Variants in RHBDD3 observed in about 807,000 individuals in gnomAD.
The protein encoded by RHBDD3 is rhomboid domain-containing protein 3.
A neutral mutation model predicts 32.3 loss-of-function variants in RHBDD3; 34 were observed. That is an observed-to-expected ratio of 1.05 (90% CI 0.80 to 1.40). The LOEUF is 1.40. Ranked by LOEUF, RHBDD3 falls within the 40% of genes most tolerant of loss-of-function variation. The probability of loss-of-function intolerance (pLI) is 0.00; values close to 1 mark genes in which losing one functional copy is unlikely to be tolerated. For synonymous variants in RHBDD3, 249 were observed against 239.1 expected, an observed-to-expected ratio of 1.04 and a Z score of -0.38; for missense variants, 482 against 492.6, an observed-to-expected ratio of 0.98 and a Z score of 0.20.
intron 2 of RHBDD3, among the ~76,000 whole-genome samples, chr22:29,266,753 A>G (rs1310438741): frequency 6.6e-6 from 1 of 152,246 alleles, no homozygotes; most frequent in Non-Finnish European, 1.5e-5. Context: ...GGCAGGAAGC[A>G]GGATCCCAGA....
Position 29,260,628 on chromosome 22 carries a change from A to G in RHBDD3, c.696-15T>C. The G allele has an allele frequency of 1.9e-6, 3 of 1,576,534 alleles. No individual in the cohort carries two copies. The highest frequency in any genetic ancestry group is 1.7e-6 in the Non-Finnish European group (2 of 1,160,160). On this transcript the variant is annotated splice_polypyrimidine_tract_variant and intron_variant, in intron 5 of 6. Transcript: ENST00000216085. ...GGATGGGAGGCCTGGAGGAGTGGGA[A>G]GAGAAGAGGGCCTGACTGGCAGCCC...
At chr22:29,263,582 C>T (rs942192332) in intron 4 of RHBDD3, among the ~76,000 whole-genome samples, 11 of 152,278 alleles carry the variant, frequency 7.2e-5, no homozygotes, top group East Asian at 3.9e-4. Context: ...TCTATTTCTG[C>T]GAAGAATGGC....
intron 1 of RHBDD3, 39 bp downstream of exon 1, chr22:29,267,709 C>T (rs908487548): frequency 1.2e-5 from 2 of 163,982 alleles, no homozygotes; most frequent in African/African-American, 4.8e-5. Context: ...CTTGGGGACC[C>T]TTCCCCGCTG....
At chr22:29,265,944 C>G (rs2058171516) in intron 2 of RHBDD3, among the ~76,000 whole-genome samples, 1 of 152,120 alleles carries the variant, frequency 6.6e-6, no homozygotes, top group Non-Finnish European at 1.5e-5. Flanking sequence ...GGGGTTCAGG[C>G]CCTCACCCCC....
chr22:29,264,877 GCGCCATTCT>G (rs1371456703), intron 3 of RHBDD3, among the ~76,000 whole-genome samples: 1 of 151,880 alleles, frequency 6.6e-6, no homozygotes, highest in Admixed American at 6.6e-5. Context: ...TCCCAGGTTC[GCGCCATTCT>G]CCTGCCTCAG....
intron 4 of RHBDD3, chr22:29,261,553 C>T (rs945069582): frequency 2.8e-5 from 9 of 321,090 alleles, no homozygotes; most frequent in African/African-American, 1.3e-4. Context: ...ATGATGGCGT[C>T]GCCACACTCC....
At position 29,260,730 on chromosome 22, in the gene RHBDD3, G is replaced by C; in HGVS notation, c.667C>G (p.Leu223Val). 1 of 1,591,638 alleles carries C rather than the reference G, an allele frequency of 6.3e-7. No individual in the cohort carries two copies. Among genetic ancestry groups the C allele is most frequent in the Non-Finnish European group, 8.5e-7 (1 of 1,169,778 alleles). The change falls in exon 5 of 7, where the codon CTG becomes GTG. Residue 223 changes from leucine (L) to valine (V), a missense_variant. Coordinates refer to ENST00000216085, the MANE Select transcript of RHBDD3 (RefSeq NM_012265.3). ...ACTCCGGCAGGATGGGTGACAGGCA[G>C]CTCCGCCAGGCTACCCGGGGTGGCA... ...LLATPGSLAE[L>V]PVTHPAGVRP...
upstream of RHBDD3, chr22:29,268,019 G>T: frequency 2.1e-6 from 1 of 474,932 alleles, no homozygotes; most frequent in South Asian, 2.6e-5. Flanking sequence ...AGAGCCAGCG[G>T]ACGGAACCAT....
In RHBDD3 at chr22:29,263,845, G is replaced by A. The variant is rs369106078; in HGVS notation, c.522C>T (p.Ala174=). The change falls in exon 4 of 7, where the codon GCC becomes GCT. Residue 174 remains alanine (A), a synonymous_variant. Coordinates refer to ENST00000216085, the MANE Select transcript of RHBDD3 (RefSeq NM_012265.3). ...PFLQLLCGLL[A]GLAYAAGAFR... is the part of the protein sequence containing the mutation. ...TCAGGCAAAGGATACAGGCCAGGCC[G>A]GCAAGGAGGCCGCAAAGGAGCTGCA... 1,820 of 1,534,334 alleles carry A rather than the reference G, an allele frequency of 1.2e-3. 6 individuals are homozygous for A. The highest frequency in any genetic ancestry group is 1.2e-3 in the Non-Finnish European group (1,351 of 1,135,634).
rs1476285933 is a variant in RHBDD3, at chr22:29,259,921, T to TG, written c.*138dup. 2.4e-5 allele frequency: 19 copies of TG among 802,760 alleles called. No individual in the cohort carries two copies. Among genetic ancestry groups the TG allele is most frequent in the Non-Finnish European group, 3.6e-5 (19 of 520,964 alleles). The allele number at this position is 802,760 out of a possible 1,614,324, so 49.7% of individuals were successfully genotyped here. Reference sequence around the variant, plus strand: ...CTAAACACGTACTAGGGCAGCATGCTGGGGGGCCTCTCCTGCCTCCAGAGG... The same window carrying TG: ...CTAAACACGTACTAGGGCAGCATGCTGGGGGGGCCTCTCCTGCCTCCAGAGG... On this transcript the variant is annotated 3_prime_UTR_variant, in exon 7 of 7. Transcript: ENST00000216085.
At chr22:29,263,077 C>A (rs1365157764) in intron 4 of RHBDD3, among the ~76,000 whole-genome samples, 1 of 151,972 alleles carries the variant, frequency 6.6e-6, no homozygotes, top group African/African-American at 2.4e-5. Flanking sequence ...CGGGGTCTTG[C>A]CCTGTCGCCC....
At chr22:29,261,278 G>A (rs1254790825) in intron 4 of RHBDD3, 5 of 483,014 alleles carry the variant, frequency 1.0e-5, no homozygotes, top group Admixed American at 2.3e-5. Context: ...CTCTCCAGTG[G>A]CACTGTTTTC....
intron 2 of RHBDD3, 78 bp from the exon 3 acceptor site, chr22:29,265,746 C>T: frequency 2.2e-6 from 3 of 1,358,960 alleles, no homozygotes; most frequent in Non-Finnish European, 1.9e-6. Flanking sequence ...ACCTTATCAA[C>T]AGCCCTATTT....
upstream of RHBDD3, chr22:29,268,061 C>G (rs983546170): frequency 1.7e-6 from 1 of 575,010 alleles, no homozygotes. Context: ...CTGAGAGCCT[C>G]TCCGGTTTCA....
chr22:29,265,360 G>A lies in RHBDD3; in HGVS notation c.148+119C>T, dbSNP rs576346858. The A allele has an allele frequency of 5.2e-4, 412 of 784,764 alleles. 7 individuals are homozygous for A. The South Asian group carries it at 9.2e-3, about 18-fold the overall frequency. The allele number at this position is 784,764 out of a possible 1,614,324, so 48.6% of individuals were successfully genotyped here. A position where few individuals can be genotyped will look rare whatever the true frequency, so the allele number is the denominator to read the frequency against. On this transcript the variant is annotated intron_variant, in intron 3 of 6. Transcript: ENST00000216085. ...CTCCTGTCTAAGGCCATGCTTTCCC[G>A]GGACACTGGGCCCCATCCCTGTTTG...
intron 4 of RHBDD3, 51 bp downstream of exon 4, chr22:29,263,784 A>C (rs986270186): frequency 5.8e-5 from 85 of 1,463,606 alleles, no homozygotes; most frequent in Non-Finnish European, 7.5e-5. Context: ...CCAGGCACCC[A>C]CCCACAGAAC....
intron 4 of RHBDD3, among the ~76,000 whole-genome samples, chr22:29,262,531 T>C (rs2058131634): frequency 6.6e-6 from 1 of 152,224 alleles, no homozygotes; most frequent in Non-Finnish European, 1.5e-5. Context: ...CTGGGTTCTT[T>C]ACATTTCCAT....
In RHBDD3 at chr22:29,260,155, C is replaced by T. The variant is rs898768937; in HGVS notation, c.1066G>A (p.Val356Met). Residue 356 changes from valine to methionine, a missense_variant, in exon 7 of 7, where the codon GTG (valine) becomes ATG (methionine). Val to Met is a conservative substitution (Grantham distance 21). Coordinates refer to ENST00000216085, the MANE Select transcript of RHBDD3 (RefSeq NM_012265.3). Reference protein sequence around the residue: ...LAATGRVEGAVSLLVGGQVGT... With the variant: ...LAATGRVEGAMSLLVGGQVGT... ...ACTTGTCCTCCAACCAACAGTGACACGGCACCCTCCACACGGCCTGTGGCT... is the reference window on the plus strand; with the variant it reads ...ACTTGTCCTCCAACCAACAGTGACATGGCACCCTCCACACGGCCTGTGGCT... 8 of 1,588,706 alleles carry T rather than the reference C, an allele frequency of 5.0e-6. No individual in the cohort carries two copies. The African/African-American group carries it at 5.4e-5, about 11-fold the overall frequency.
chr22:29,266,691 T>C (rs574374043), intron 2 of RHBDD3, among the ~76,000 whole-genome samples: 5 of 152,290 alleles, frequency 3.3e-5, no homozygotes, highest in African/African-American at 1.2e-4. Context: ...CCTGTAGGTC[T>C]TCACCCCTGG....
Sources: gnomAD v4.1 joint callset for allele counts (sites outside exome capture counted in the v4.1 genomes callset) on GRCh38, gnomAD v4.1.1 for gene constraint, MANE v1.5 for transcripts, NCBI Gene and HGNC (gene_info 2026-07-23, HGNC 2026-07-21) for gene names.